Variants in GLT8D2 observed in about 807,000 individuals in gnomAD.
The protein encoded by GLT8D2 is glycosyltransferase 8 domain-containing protein 2.
GLT8D2 carries 45 observed loss-of-function variants against 44.5 expected under a neutral mutation model. The observed-to-expected ratio is 1.01, with a 90% CI of 0.80 to 1.30. GLT8D2 has a LOEUF of 1.30. Ranked by LOEUF, GLT8D2 falls within the 50% of genes most tolerant of loss-of-function variation. The pLI is 0.00. For missense variants in GLT8D2, 400 were observed against 430.4 expected (o/e 0.93, Z 0.62); for synonymous variants, 156 against 157.2 (o/e 0.99, Z 0.06).
intron 1 of GLT8D2, among the ~76,000 whole-genome samples, chr12:104,030,147 G>C (rs1186188651): frequency 1.3e-5 from 2 of 152,046 alleles, no homozygotes; most frequent in African/African-American, 2.4e-5. Flanking sequence ...CAGACACATA[G>C]ATCAATGGAA....
intron 1 of GLT8D2, among the ~76,000 whole-genome samples, chr12:104,056,374 AT>A (rs1484856526): frequency 6.6e-6 from 1 of 152,146 alleles, no homozygotes; most frequent in Admixed American, 6.5e-5. Context: ...TGAGTCCTCA[AT>A]TGAGATTAAA....
At chr12:104,051,096 G>A (rs1379313285), upstream of GLT8D2, among the ~76,000 whole-genome samples, 1 of 151,646 alleles carries the variant, frequency 6.6e-6, no homozygotes, top group Non-Finnish European at 1.5e-5. Context: ...TTACAGGCGT[G>A]AGCCACCTCA....
intron 3 of GLT8D2, 122 bp downstream of exon 3, chr12:104,019,508 G>A (rs750579110): frequency 2.1e-5 from 16 of 770,826 alleles, no homozygotes; most frequent in Non-Finnish European, 3.2e-5. Flanking sequence ...AAGTGCCTGT[G>A]GGAAAACTAT....
At chr12:104,011,880 T>C (rs1875869155) in intron 4 of GLT8D2, among the ~76,000 whole-genome samples, 1 of 151,908 alleles carries the variant, frequency 6.6e-6, no homozygotes, top group African/African-American at 2.4e-5. Context: ...TACTAAAGAA[T>C]ATATACCTGG....
chr12:103,992,491 C>CTTTTT (rs1232659471), intron 10 of GLT8D2, among the ~76,000 whole-genome samples: 4 of 129,982 alleles, frequency 3.1e-5, no homozygotes, highest in Admixed American at 7.7e-5. Context: ...CTCTCTCTCT[C>CTTTTT]TTTTTTTTTT....
chr12:104,001,421 T>C (rs1427168198), intron 5 of GLT8D2, among the ~76,000 whole-genome samples: 1 of 152,238 alleles, frequency 6.6e-6, no homozygotes, highest in Non-Finnish European at 1.5e-5. Flanking sequence ...TGAATCAAAT[T>C]ATATATGCAT....
At chr12:104,037,074 A>G (rs958514831) in intron 1 of GLT8D2, among the ~76,000 whole-genome samples, 4 of 152,370 alleles carry the variant, frequency 2.6e-5, no homozygotes, top group South Asian at 2.1e-4. Context: ...CTGGGTAAAT[A>G]GCGAAATGAA....
At chr12:104,059,354 G>T (rs1260857472) in intron 1 of GLT8D2, among the ~76,000 whole-genome samples, 2 of 152,098 alleles carry the variant, frequency 1.3e-5, no homozygotes, top group Non-Finnish European at 2.9e-5. Flanking sequence ...GTAATTTCCA[G>T]TGGAGCTGCT....
In GLT8D2 at chr12:104,015,043, G is replaced by A; in HGVS notation, c.82C>T (p.His28Tyr). Residue 28 changes from histidine (H) to tyrosine (Y), a missense_variant, in exon 4 of 11, where the codon CAT becomes TAT. Coordinates refer to ENST00000360814, the MANE Select transcript of GLT8D2 (RefSeq NM_001384711.1). ...TCATTCTTGGGCACAGTCCCCTTAT[G>A]AACTTTCTTATACAGAATCACACAG... ...TLCVILYKKV[H>Y]KGTVPKNDAD... 1 of 1,613,614 alleles carries A rather than the reference G, an allele frequency of 6.2e-7. No homozygotes were observed. Among genetic ancestry groups the A allele is most frequent in the Non-Finnish European group, 8.5e-7 (1 of 1,179,646 alleles).
Position 103,997,535 on chromosome 12 carries a change from G to T in GLT8D2, c.403C>A (p.Leu135Met). 6.2e-7 allele frequency: 1 copy of T among 1,611,512 alleles called. No individual in the cohort carries two copies. Among genetic ancestry groups the T allele is most frequent in the East Asian group, 2.2e-5 (1 of 44,852 alleles). The change falls in exon 7 of 11, where the codon CTG becomes ATG. Residue 135 changes from leucine (L) to methionine (M), a missense_variant and splice_region_variant. Coordinates refer to ENST00000360814, the MANE Select transcript of GLT8D2 (RefSeq NM_001384711.1). ...GGGAGATAAAATCGAACAAAGTTCAGCTGTTAAAACGACAAAAGAAATGAT... is the reference window on the plus strand; with the variant it reads ...GGGAGATAAAATCGAACAAAGTTCATCTGTTAAAACGACAAAAGAAATGAT... ...DSSRPELLQP[L>M]NFVRFYLPLL...
At chr12:104,053,886 A>C (rs1272143364), upstream of GLT8D2, among the ~76,000 whole-genome samples, 3 of 151,990 alleles carry the variant, frequency 2.0e-5, no homozygotes, top group Non-Finnish European at 4.4e-5. Flanking sequence ...TCCGTCTCAA[A>C]AAAAAAAAGT....
chr12:104,001,861 G>C (rs2136295368), intron 5 of GLT8D2, among the ~76,000 whole-genome samples: 1 of 152,188 alleles, frequency 6.6e-6, no homozygotes, highest in African/African-American at 2.4e-5. Flanking sequence ...GTGCTAACAT[G>C]CTCAGCAAAT....
intron 1 of GLT8D2, among the ~76,000 whole-genome samples, chr12:104,043,176 C>T (rs1047954390): frequency 6.6e-6 from 1 of 152,186 alleles, no homozygotes; most frequent in Non-Finnish European, 1.5e-5. Context: ...GTTGCTCCTA[C>T]CTCCTGAATA....
chr12:104,048,472 A>G (rs1010635828), intron 1 of GLT8D2, among the ~76,000 whole-genome samples: 2 of 152,238 alleles, frequency 1.3e-5, no homozygotes, highest in African/African-American at 4.8e-5. Flanking sequence ...CTGAAATTAA[A>G]AAGGATTTAG....
At chr12:103,995,062 T>C (rs1031212897) in intron 8 of GLT8D2, among the ~76,000 whole-genome samples, 3 of 152,096 alleles carry the variant, frequency 2.0e-5, no homozygotes, top group Admixed American at 6.6e-5. Flanking sequence ...GGTCCCATCT[T>C]CAAAATGCTG....
chr12:104,013,897 T>C (rs546183640), intron 4 of GLT8D2, among the ~76,000 whole-genome samples: 2 of 152,160 alleles, frequency 1.3e-5, no homozygotes, highest in South Asian at 4.1e-4. Flanking sequence ...TGCCCCACCA[T>C]GCCCAGGTAA....
At chr12:103,998,229 C>A (rs540927640) in intron 6 of GLT8D2, among the ~76,000 whole-genome samples, 61 of 140,242 alleles carry the variant, frequency 4.3e-4, no homozygotes, top group African/African-American at 1.6e-3. Context: ...AAAAACACCA[C>A]TCTTTTTTTT....
In GLT8D2 at chr12:104,004,454, A is replaced by T. The variant is rs1049144407; in HGVS notation, c.113-1148T>A. Among the ~76,000 whole-genome samples the T allele has an allele frequency of 5.3e-5, 8 of 152,360 alleles. 1 individual carries two copies. The South Asian group carries it at 1.7e-3, about 32-fold the overall frequency. On this transcript the variant is annotated intron_variant, in intron 4 of 10. Transcript: ENST00000360814. ...GAAGTCAAACTGTCCCTGTTTGCAG[A>T]TGACATGATTGTATATTTAGAAAAC...
chr12:104,056,243 T>C (rs1882175994), intron 1 of GLT8D2, among the ~76,000 whole-genome samples: 1 of 152,210 alleles, frequency 6.6e-6, no homozygotes, highest in African/African-American at 2.4e-5. Context: ...AGACACCATC[T>C]GTTTCCCTCA....
Sources: allele counts gnomAD v4.1 joint callset (sites outside exome capture counted in the v4.1 genomes callset), GRCh38; gene constraint gnomAD v4.1.1; transcripts MANE v1.5; gene names NCBI Gene and HGNC (gene_info 2026-07-23, HGNC 2026-07-21).